LAMA3: variants seen among roughly 807,000 people sequenced by gnomAD.
The protein encoded by LAMA3 is laminin subunit alpha-3.
Under a neutral mutation model 402.0 loss-of-function variants are expected in LAMA3, and 281 were observed. The observed-to-expected ratio is 0.70, with a 90% confidence interval of 0.63 to 0.77. The LOEUF (loss-of-function observed/expected upper bound fraction) is 0.77, where lower values mean the gene tolerates loss of function less well. Ranked by LOEUF, LAMA3 falls within the 30% of genes least tolerant of loss-of-function variation. The pLI is 0.00. For missense variants in LAMA3, 3,840 were observed against 4,215.5 expected (o/e 0.91, Z 2.47); for synonymous variants, 1,431 against 1,558.4 (o/e 0.92, Z 1.93).
intron 1 of LAMA3, among the ~76,000 whole-genome samples, chr18:23,701,213 CTGATT>C (rs1220115002): frequency 6.6e-6 from 1 of 152,156 alleles, no homozygotes; most frequent in African/African-American, 2.4e-5. Flanking sequence ...TTTTTCCTCT[CTGATT>C]TGGCCATGAT....
chr18:23,825,152 G>T (rs1022948192), intron 21 of LAMA3, among the ~76,000 whole-genome samples: 14 of 152,218 alleles, frequency 9.2e-5, no homozygotes, highest in African/African-American at 3.4e-4. Context: ...CCTAAAGCAG[G>T]TTTATTCCCA....
intron 2 of LAMA3, among the ~76,000 whole-genome samples, chr18:23,744,695 G>C (rs927307145): frequency 6.6e-6 from 1 of 151,860 alleles, no homozygotes; most frequent in African/African-American, 2.4e-5. Context: ...AGCCGGGCGT[G>C]GTGGCAGGTG....
In LAMA3 at chr18:23,804,413, G is replaced by T. The variant is rs187202150; in HGVS notation, c.1604-5953G>T. On this transcript the variant is annotated intron_variant, in intron 12 of 74. Coordinates refer to ENST00000313654, the MANE Select transcript of LAMA3 (RefSeq NM_198129.4). Reference sequence around the variant, plus strand: ...CTGGACCCTTAGAAATTTAACTGAGGTAGAAGACTCTGGATGTTTTATTGC... The same window carrying T: ...CTGGACCCTTAGAAATTTAACTGAGTTAGAAGACTCTGGATGTTTTATTGC... Among the ~76,000 whole-genome samples the T allele has an allele frequency of 1.0e-3, 154 of 152,320 alleles. 1 individual carries two copies. The highest frequency in any genetic ancestry group is 8.1e-4 in the Non-Finnish European group (55 of 68,022).
At chr18:23,906,754 T>A (rs2081261884) in intron 52 of LAMA3, among the ~76,000 whole-genome samples, 1 of 152,244 alleles carries the variant, frequency 6.6e-6, no homozygotes, top group African/African-American at 2.4e-5. Context: ...AATTTGGATT[T>A]CCTGGTATGA....
intron 12 of LAMA3, among the ~76,000 whole-genome samples, chr18:23,792,528 C>CA (rs2062679352): frequency 6.6e-6 from 1 of 152,212 alleles, no homozygotes; most frequent in Non-Finnish European, 1.5e-5. Flanking sequence ...CAAACACCTC[C>CA]ACTAGGCCTC....
intron 25 of LAMA3, among the ~76,000 whole-genome samples, chr18:23,837,590 T>TATATATATATATATATATAC: frequency 6.9e-6 from 1 of 144,260 alleles, no homozygotes; most frequent in Non-Finnish European, 1.5e-5. Context: ...TATATATATA[T>TATATATATATATATATATAC]ATATGTTATT....
chr18:23,910,843 T>G (rs372314216), intron 55 of LAMA3, among the ~76,000 whole-genome samples: 2 of 152,196 alleles, frequency 1.3e-5, no homozygotes, highest in East Asian at 3.8e-4. Context: ...GTGGACACCA[T>G]TTATATAAAA....
At chr18:23,939,510 G>A in intron 68 of LAMA3, 124 bp downstream of exon 68, 1 of 1,008,450 alleles carries the variant, frequency 9.9e-7, no homozygotes, top group Non-Finnish European at 1.5e-6. Flanking sequence ...TACCATTTTT[G>A]TGCAAAGAGG....
intron 2 of LAMA3, among the ~76,000 whole-genome samples, chr18:23,726,767 G>A (rs760361749): frequency 1.5e-4 from 23 of 152,068 alleles, no homozygotes; most frequent in Non-Finnish European, 3.2e-4. Flanking sequence ...ACAGGTGTCC[G>A]CCACTGCGCC....
chr18:23,699,226 A>G (rs2060747512), intron 1 of LAMA3, among the ~76,000 whole-genome samples: 1 of 152,166 alleles, frequency 6.6e-6, no homozygotes, highest in African/African-American at 2.4e-5. Flanking sequence ...AAGCCACATG[A>G]CTGTTGTTGT....
intron 2 of LAMA3, among the ~76,000 whole-genome samples, chr18:23,720,345 GT>G (rs1568111963): frequency 6.6e-6 from 1 of 151,946 alleles, no homozygotes; most frequent in Non-Finnish European, 1.5e-5. Context: ...AATAAATGGT[GT>G]TTTTTTGTTT....
intron 44 of LAMA3, among the ~76,000 whole-genome samples, chr18:23,897,553 G>A (rs1337420630): frequency 1.3e-5 from 2 of 152,156 alleles, no homozygotes; most frequent in Non-Finnish European, 2.9e-5. Context: ...GGAACCTAGT[G>A]TTGTTCTCAT....
chr18:23,786,010 A>G (rs1040214038), intron 12 of LAMA3, among the ~76,000 whole-genome samples: 4 of 152,350 alleles, frequency 2.6e-5, no homozygotes, highest in Non-Finnish European at 1.5e-5. Flanking sequence ...GACTTCCATA[A>G]CAACAGAGGA....
intron 66 of LAMA3, 181 bp downstream of exon 66, chr18:23,932,472 C>G: frequency 8.1e-6 from 5 of 615,580 alleles, no homozygotes; most frequent in Non-Finnish European, 1.4e-5. Context: ...ATAAAAAACT[C>G]CTGGGCCCGG....
At chr18:23,852,093 C>A (rs1366680479) in intron 32 of LAMA3, among the ~76,000 whole-genome samples, 3 of 152,160 alleles carry the variant, frequency 2.0e-5, no homozygotes, top group African/African-American at 7.2e-5. Context: ...ACATATTATC[C>A]CCCTTCCTTT....
chr18:23,894,877 C>T (rs1458494121), intron 43 of LAMA3, 30 bp from the exon 44 acceptor site: 1 of 1,614,070 alleles, frequency 6.2e-7, no homozygotes, highest in South Asian at 1.1e-5. Context: ...CCCCCCACAG[C>T]ACATTTGCCT....
At position 23,952,993 on chromosome 18, in the gene LAMA3, C is replaced by T. The variant is rs750475354; in HGVS notation, c.9740C>T (p.Thr3247Ile). ...CTAACCAGCCTCCTTTCCCCAGTCA[C>T]CATAAAACAACACATCCTGCACCTG... is the stretch of plus-strand genomic sequence containing the variant. ...CDGQWHSVAV[T>I]IKQHILHLEL... Residue 3247 changes from threonine (T) to isoleucine (I), a missense_variant, in exon 74 of 75, where the codon ACC becomes ATC. Physicochemically the swap from Thr to Ile is moderately conservative, Grantham distance 89. Around this residue, in one of 3 missense-constraint regions of LAMA3, gnomAD observed 840 missense variants for 981.9 expected, o/e 0.86. Coordinates refer to ENST00000313654, the MANE Select transcript of LAMA3 (RefSeq NM_198129.4). 12 of 1,614,086 alleles carry T rather than the reference C, an allele frequency of 7.4e-6. No individual in the cohort carries two copies. Among genetic ancestry groups the T allele is most frequent in the Non-Finnish European group, 1.0e-5 (12 of 1,179,968 alleles).
At position 23,954,664 on chromosome 18, in the gene LAMA3, C is replaced by G; in HGVS notation, c.*16C>G. The G allele has an allele frequency of 6.2e-7, 1 of 1,613,886 alleles. No homozygotes were observed. Reference sequence around the variant, plus strand: ...TGACCAGTAACCCAAGCCTATTTCACAGCAAGGAAATTCACCTTCAAAAGC... The same window carrying G: ...TGACCAGTAACCCAAGCCTATTTCAGAGCAAGGAAATTCACCTTCAAAAGC... On this transcript the variant is annotated 3_prime_UTR_variant, in exon 75 of 75. Transcript: ENST00000313654.
Position 23,902,917 on chromosome 18 carries a change from G to C in LAMA3, c.6202-92G>C. On this transcript the variant is annotated intron_variant, in intron 48 of 74. Coordinates refer to ENST00000313654, the MANE Select transcript of LAMA3 (RefSeq NM_198129.4). ...AGGTTCAAGAAAGCATTCTGACTTT[G>C]AAATTACGTATATGCTATTGTCCCA... The C allele has an allele frequency of 5.1e-6, 4 of 790,194 alleles. No homozygotes were observed. The South Asian group carries it at 5.5e-5, about 11-fold the overall frequency. 48.9% of individuals were successfully genotyped at this position (790,194 alleles called of 1,614,324 possible).
Sources: allele counts gnomAD v4.1 joint callset (sites outside exome capture counted in the v4.1 genomes callset), GRCh38; gene constraint gnomAD v4.1.1; regional missense constraint gnomAD v4.1.1; transcripts MANE v1.5; gene names NCBI Gene and HGNC (gene_info 2026-07-23, HGNC 2026-07-21).